Variants in PLXNC1 observed in about 807,000 individuals in gnomAD.
The protein encoded by PLXNC1 is plexin C1.
PLXNC1 carries 75 observed loss-of-function variants against 178.2 expected under a neutral mutation model. The ratio of observed to expected loss-of-function variants is 0.42; its 90% CI spans 0.35 to 0.51. The LOEUF (loss-of-function observed/expected upper bound fraction) is 0.51, where lower values mean the gene tolerates loss of function less well. Among genes scored for constraint, PLXNC1 ranks in the 20% least tolerant of loss-of-function variants. The pLI is 0.02. For synonymous variants in PLXNC1, 790 were observed against 779.9 expected (o/e 1.01, Z -0.22); for missense variants, 1,503 against 1,984.4 (o/e 0.76, Z 4.61).
In PLXNC1 at chr12:94,260,099, C is replaced by A. The variant is rs1332050177; in HGVS notation, c.3251+365C>A. On this transcript the variant is annotated intron_variant, in intron 19 of 30. Transcript: ENST00000258526. This position sits in a 1 kb window ranked among gnomAD's most constrained non-coding sequence, Gnocchi z 4.4. ...TTGTTGTTGGAGTCTCACTCTGTGG[C>A]CCAGGCTGAAGTGTGTGATCATAGG... Among the ~76,000 whole-genome samples, 1 of 152,134 alleles carries A rather than the reference C, an allele frequency of 6.6e-6. No individual in the cohort carries two copies. The highest frequency in any genetic ancestry group is 1.5e-5 in the Non-Finnish European group (1 of 68,028).
chr12:94,152,345 A>G (rs1960992142), intron 1 of PLXNC1, among the ~76,000 whole-genome samples: 1 of 152,252 alleles, frequency 6.6e-6, no homozygotes, highest in Non-Finnish European at 1.5e-5. Context: ...AAGATACTCA[A>G]TTCAACAAAT....
At chr12:94,184,618 G>A (rs1175041492) in intron 3 of PLXNC1, among the ~76,000 whole-genome samples, 2 of 151,908 alleles carry the variant, frequency 1.3e-5, no homozygotes, top group African/African-American at 4.8e-5. Context: ...AGACAGAGTT[G>A]GCCAGACTGG....
At chr12:94,300,220 T>C (rs1968331221) in intron 27 of PLXNC1, among the ~76,000 whole-genome samples, 1 of 152,098 alleles carries the variant, frequency 6.6e-6, no homozygotes. Flanking sequence ...TAGCAGATGA[T>C]GAGTGCAGTG....
chr12:94,215,517 A>G (rs968206804), intron 5 of PLXNC1, among the ~76,000 whole-genome samples: 1 of 152,020 alleles, frequency 6.6e-6, no homozygotes, highest in Non-Finnish European at 1.5e-5. Context: ...AAAGAAGTCA[A>G]TTTAGGCAAG....
At chr12:94,199,297 G>A (rs1426369681) in intron 4 of PLXNC1, among the ~76,000 whole-genome samples, 5 of 151,756 alleles carry the variant, frequency 3.3e-5, no homozygotes, top group Admixed American at 2.0e-4. Context: ...CAAGCTTGAC[G>A]TCTGTGCGGT....
chr12:94,179,833 G>T (rs1327673733), intron 2 of PLXNC1, among the ~76,000 whole-genome samples: 2 of 151,604 alleles, frequency 1.3e-5, no homozygotes. Context: ...TTGATTATGT[G>T]CTAAGCATCT....
intron 1 of PLXNC1, among the ~76,000 whole-genome samples, chr12:94,165,293 T>C (rs1961568907): frequency 6.6e-6 from 1 of 152,238 alleles, no homozygotes; most frequent in Non-Finnish European, 1.5e-5. Context: ...GTCTTTCTTT[T>C]GTTTTCATTT....
intron 12 of PLXNC1, 104 bp downstream of exon 12, chr12:94,244,129 G>T (rs61929078): frequency 1.7e-6 from 1 of 594,538 alleles, no homozygotes. Context: ...TGACTTTGGT[G>T]TTATAAACTT....
intron 21 of PLXNC1, among the ~76,000 whole-genome samples, chr12:94,269,685 T>G (rs1444893538): frequency 6.6e-6 from 1 of 152,262 alleles, no homozygotes; most frequent in Non-Finnish European, 1.5e-5. Flanking sequence ...CAATCTTGTT[T>G]TTAATACTCC....
chr12:94,153,276 A>C (rs567210804), intron 1 of PLXNC1, among the ~76,000 whole-genome samples: 99 of 152,338 alleles, frequency 6.5e-4, no homozygotes, highest in African/African-American at 1.8e-3. Context: ...TTTCCCTTGA[A>C]GGTCCCCTAA....
chr12:94,246,897 CGGGGGTGGG>C (rs1964543428), intron 12 of PLXNC1, among the ~76,000 whole-genome samples: 2 of 89,838 alleles, frequency 2.2e-5, no homozygotes, highest in Non-Finnish European at 4.1e-5. Flanking sequence ...CAGGGGGTGG[CGGGGGTGGG>C]GGAAAAATAG....
At chr12:94,237,265 C>T (rs941676080) in intron 9 of PLXNC1, among the ~76,000 whole-genome samples, 5 of 152,166 alleles carry the variant, frequency 3.3e-5, no homozygotes, top group African/African-American at 9.7e-5. Flanking sequence ...TTCAACTTAA[C>T]GATGAGTCTG....
intron 24 of PLXNC1, among the ~76,000 whole-genome samples, chr12:94,295,833 T>C (rs1272497962): frequency 6.6e-6 from 1 of 152,194 alleles, no homozygotes; most frequent in Non-Finnish European, 1.5e-5. Context: ...TTGTCCATAA[T>C]GTCTGCCTTC....
chr12:94,274,155 T>TAAAAAAAAAAA (rs3060881), intron 21 of PLXNC1, among the ~76,000 whole-genome samples: 13 of 45,370 alleles, frequency 2.9e-4, no homozygotes, highest in South Asian at 1.6e-3. Context: ...ACCCTGTCTC[T>TAAAAAAAAAAA]AAAAAAAAAA....
intron 28 of PLXNC1, among the ~76,000 whole-genome samples, chr12:94,303,339 C>T (rs1360469501): frequency 6.6e-6 from 1 of 152,160 alleles, no homozygotes; most frequent in Non-Finnish European, 1.5e-5. Context: ...ATCAGACCTA[C>T]AATCAAGTCT....
chr12:94,225,251 C>T (rs11107461), intron 7 of PLXNC1, among the ~76,000 whole-genome samples: 31,642 of 152,076 alleles, frequency 0.21, 3,490 homozygotes, highest in East Asian at 0.32. Context: ...CTGTAGATCA[C>T]TGCATAGTTT....
chr12:94,167,090 A>G (rs1020086813), intron 1 of PLXNC1, among the ~76,000 whole-genome samples: 1 of 152,308 alleles, frequency 6.6e-6, no homozygotes, highest in East Asian at 1.9e-4. Context: ...CAGAAATCAG[A>G]GAAGGACACC....
At chr12:94,213,868 ATTT>A (rs779977778) in intron 5 of PLXNC1, among the ~76,000 whole-genome samples, 1 of 140,938 alleles carries the variant, frequency 7.1e-6, no homozygotes, top group Non-Finnish European at 1.5e-5. Context: ...CGCTTTCTAC[ATTT>A]TTTTTTTTTT....
chr12:94,274,154 C>CT (rs1311556446), intron 21 of PLXNC1, among the ~76,000 whole-genome samples: 8 of 34,836 alleles, frequency 2.3e-4, no homozygotes, highest in African/African-American at 1.1e-3. Context: ...GACCCTGTCT[C>CT]TAAAAAAAAA....
Sources: gnomAD v4.1 joint callset for allele counts (sites outside exome capture counted in the v4.1 genomes callset) on GRCh38, gnomAD v4.1.1 for gene constraint, Gnocchi (gnomAD v3.1) non-coding constraint, MANE v1.5 for transcripts, NCBI Gene and HGNC (gene_info 2026-07-23, HGNC 2026-07-21) for gene names.